SLC17A5: variants seen among roughly 807,000 people sequenced by gnomAD.
SLC17A5 encodes the protein sialin.
A neutral mutation model predicts 59.4 loss-of-function variants in SLC17A5; 47 were observed. That is an observed-to-expected ratio of 0.79 (90% confidence interval 0.63 to 1.01). The LOEUF is 1.01. Among genes scored for constraint, SLC17A5 ranks in the 50% least tolerant of loss-of-function variants. The probability of loss-of-function intolerance (pLI) is 0.00; values close to 1 mark genes in which losing one functional copy is unlikely to be tolerated. For synonymous variants in SLC17A5, 202 were observed against 210.7 expected, an observed-to-expected ratio of 0.96 and a Z score of 0.36; for missense variants, 522 against 595.5, an observed-to-expected ratio of 0.88 and a Z score of 1.28.
rs577463402 is a variant in SLC17A5 at position 73,595,372 on chromosome 6, A to G, written c.1351-158T>C. Among the ~76,000 whole-genome samples, 197 of 152,364 alleles carry G rather than the reference A, an allele frequency of 1.3e-3. 1 individual carries two copies. The highest frequency in any genetic ancestry group is 4.6e-3 in the African/African-American group (192 of 41,586). On this transcript the variant is annotated intron_variant, in intron 10 of 10. Transcript: ENST00000355773. ...TGTCCACCAGCAGTAGGATAGTGGT[A>G]TATTTGTTCAACGTAATACAATACA...
At chr6:73,645,292 G>C in intron 1 of SLC17A5, 1 of 984,232 alleles carries the variant, frequency 1.0e-6, no homozygotes, top group Non-Finnish European at 1.2e-6. Context: ...TTCTTACCTC[G>C]AAGAGTATCC....
At chr6:73,646,036 T>C (rs1237362695) in intron 1 of SLC17A5, among the ~76,000 whole-genome samples, 2 of 152,194 alleles carry the variant, frequency 1.3e-5, no homozygotes, top group Non-Finnish European at 2.9e-5. Flanking sequence ...TCTTTAAGTT[T>C]AGTAAACTCT....
chr6:73,622,298 C>CT (rs1189610313), intron 6 of SLC17A5, among the ~76,000 whole-genome samples: 1,397 of 116,702 alleles, frequency 0.012, 6 homozygotes, highest in Non-Finnish European at 0.017. Flanking sequence ...TTCTTTCTTT[C>CT]TTTTTTTTTT....
intron 6 of SLC17A5, among the ~76,000 whole-genome samples, chr6:73,628,723 A>C (rs1299596896): frequency 6.6e-6 from 1 of 152,210 alleles, no homozygotes. Context: ...TGAGATCCTG[A>C]ATCTTGTATT....
chr6:73,608,528 T>C (rs943626719), intron 9 of SLC17A5, among the ~76,000 whole-genome samples: 1 of 152,212 alleles, frequency 6.6e-6, no homozygotes, highest in Non-Finnish European at 1.5e-5. Flanking sequence ...GGATATCAAC[T>C]CTTGCCTGAA....
intron 7 of SLC17A5, chr6:73,618,226 C>G (rs1233803078): frequency 7.0e-6 from 1 of 142,250 alleles, no homozygotes; most frequent in East Asian, 2.0e-4. Flanking sequence ...AAGACTCAGT[C>G]TTAAAATAAA....
At chr6:73,595,765 T>C (rs1476127580) in intron 10 of SLC17A5, among the ~76,000 whole-genome samples, 1 of 151,936 alleles carries the variant, frequency 6.6e-6, no homozygotes, top group Admixed American at 6.6e-5. Context: ...CGGGCTGGAG[T>C]GCAGTGGCGC....
chr6:73,610,774 C>T (rs1199000761), intron 8 of SLC17A5, among the ~76,000 whole-genome samples: 1 of 152,102 alleles, frequency 6.6e-6, no homozygotes, highest in Non-Finnish European at 1.5e-5. Flanking sequence ...GTTATTAAAT[C>T]TACATGTGGC....
At chr6:73,653,714 C>G in intron 1 of SLC17A5, 79 bp downstream of exon 1, 2 of 1,381,706 alleles carry the variant, frequency 1.4e-6, no homozygotes, top group South Asian at 2.5e-5. Flanking sequence ...GGTGCGGGTA[C>G]CCGGGCCATG....
chr6:73,646,018 T>C (rs1769543823), intron 1 of SLC17A5, among the ~76,000 whole-genome samples: 1 of 152,094 alleles, frequency 6.6e-6, no homozygotes, highest in Admixed American at 6.5e-5. Context: ...TAATCCAGAG[T>C]CTGAACATCT....
intron 6 of SLC17A5, among the ~76,000 whole-genome samples, chr6:73,622,544 C>T (rs1848523): frequency 0.11 from 16,331 of 152,092 alleles, 1,054 homozygotes; most frequent in Middle Eastern, 0.18. Flanking sequence ...GCAAGTGATC[C>T]GACCCAAAGT....
chr6:73,647,670 GGTAA>G, intron 1 of SLC17A5, among the ~76,000 whole-genome samples: 1 of 152,138 alleles, frequency 6.6e-6, no homozygotes, highest in East Asian at 1.9e-4. Flanking sequence ...ATGAAAGAAA[GGTAA>G]GTAAAATGAT....
chr6:73,637,650 T>G (rs1005810507), intron 4 of SLC17A5, among the ~76,000 whole-genome samples: 4 of 152,138 alleles, frequency 2.6e-5, no homozygotes, highest in African/African-American at 9.7e-5. Context: ...TTTTAACCCT[T>G]ATGTTATTTC....
intron 1 of SLC17A5, chr6:73,653,093 T>C: frequency 8.1e-6 from 8 of 985,456 alleles, no homozygotes; most frequent in Non-Finnish European, 9.6e-6. Flanking sequence ...AACTGAACCT[T>C]TTCCTAACTT....
At chr6:73,609,901 C>T (rs1014443232) in intron 9 of SLC17A5, among the ~76,000 whole-genome samples, 3 of 152,096 alleles carry the variant, frequency 2.0e-5, no homozygotes, top group South Asian at 2.1e-4. Flanking sequence ...TTGTGTTTAA[C>T]GGGTACAGTT....
At chr6:73,651,023 G>A (rs1241847409) in intron 1 of SLC17A5, among the ~76,000 whole-genome samples, 1 of 152,176 alleles carries the variant, frequency 6.6e-6, no homozygotes, top group East Asian at 1.9e-4. Context: ...GGCAGAAGAT[G>A]TTAAAGGACA....
intron 6 of SLC17A5, among the ~76,000 whole-genome samples, chr6:73,626,373 C>T (rs1768416863): frequency 6.6e-6 from 1 of 152,202 alleles, no homozygotes; most frequent in Non-Finnish European, 1.5e-5. Flanking sequence ...TGTATTCCAG[C>T]TTAGTGTTCA....
intron 4 of SLC17A5, among the ~76,000 whole-genome samples, 187 bp downstream of exon 4, chr6:73,638,225 G>C (rs1769113120): frequency 6.6e-6 from 1 of 152,130 alleles, no homozygotes; most frequent in Non-Finnish European, 1.5e-5. Context: ...AGTCAATTAA[G>C]CTGCATTACT....
At position 73,621,926 on chromosome 6, in the gene SLC17A5, A is replaced by C; in HGVS notation, c.856T>G (p.Leu286Val). 6.2e-7 allele frequency: 1 copy of C among 1,614,098 alleles called. No individual in the cohort carries two copies. Among genetic ancestry groups the C allele is most frequent in the South Asian group, 1.1e-5 (1 of 91,086 alleles). Residue 286 changes from leucine to valine, a missense_variant, in exon 7 of 11, where the codon TTA (leucine) becomes GTA (valine). By Grantham distance (32) the Leu-to-Val change is conservative. Around this residue, in one of 3 missense-constraint regions of SLC17A5, gnomAD observed 338 missense variants for 363.8 expected, o/e 0.93. Transcript: ENST00000355773. The stretch of plus-strand genomic sequence containing the variant: ...ATAGCCCAAAGTGGCAGGGATTTTA[A>C]AATGGGTACCCACGGCACTGACTTC... ...SQKSVPWVPI[L>V]KSLPLWAIVV...
Sources: gnomAD v4.1 joint callset for allele counts (sites outside exome capture counted in the v4.1 genomes callset) on GRCh38, gnomAD v4.1.1 for gene constraint, gnomAD v4.1.1 regional missense constraint, MANE v1.5 for transcripts, NCBI Gene and HGNC (gene_info 2026-07-23, HGNC 2026-07-21) for gene names.